Variants in SPATA16 observed in about 807,000 individuals in gnomAD.
The protein encoded by SPATA16 is spermatogenesis-associated protein 16.
In SPATA16, 36 loss-of-function variants were observed where a neutral mutation model predicts 63.3. That is an observed-to-expected ratio of 0.57 (90% CI 0.44 to 0.75). The LOEUF is 0.75. SPATA16 is among the 30% of genes least tolerant of loss of function. The pLI, the probability that SPATA16 is intolerant of heterozygous loss-of-function variation, is 0.00. For synonymous variants in SPATA16, 203 were observed against 216.7 expected (o/e 0.94, Z 0.56); for missense variants, 646 against 679.3 (o/e 0.95, Z 0.54).
At chr3:173,052,257 GTC>G (rs1277821585) in intron 2 of SPATA16, among the ~76,000 whole-genome samples, 4 of 152,202 alleles carry the variant, frequency 2.6e-5, no homozygotes, top group Non-Finnish European at 4.4e-5. Flanking sequence ...AAAGTGAAGA[GTC>G]TCTGCTTGTA....
At chr3:172,937,776 T>TA (rs1000022465) in intron 6 of SPATA16, among the ~76,000 whole-genome samples, 2 of 152,006 alleles carry the variant, frequency 1.3e-5, no homozygotes, top group African/African-American at 2.4e-5. Flanking sequence ...ATGACTAACT[T>TA]AAAAAAAAGT....
chr3:173,010,632 C>G (rs1220598282), intron 4 of SPATA16, among the ~76,000 whole-genome samples: 1 of 152,154 alleles, frequency 6.6e-6, no homozygotes, highest in Non-Finnish European at 1.5e-5. Context: ...TGCAGACAGA[C>G]AGCCAGACTG....
At chr3:172,985,648 A>C (rs1244040178) in intron 4 of SPATA16, among the ~76,000 whole-genome samples, 1 of 152,216 alleles carries the variant, frequency 6.6e-6, no homozygotes, top group Non-Finnish European at 1.5e-5. Context: ...TGGAATTTTC[A>C]GTGCTGAGAC....
chr3:172,932,368 C>G (rs1732891592), intron 6 of SPATA16, among the ~76,000 whole-genome samples: 1 of 152,088 alleles, frequency 6.6e-6, no homozygotes, highest in East Asian at 1.9e-4. Flanking sequence ...TGAACTTTGT[C>G]CATAACAAAA....
intron 8 of SPATA16, among the ~76,000 whole-genome samples, chr3:172,922,692 A>G (rs1405130132): frequency 6.6e-6 from 1 of 152,170 alleles, no homozygotes; most frequent in African/African-American, 2.4e-5. Flanking sequence ...AGGCCAAGGC[A>G]GGTGGATCAC....
intron 2 of SPATA16, among the ~76,000 whole-genome samples, chr3:173,051,853 T>C (rs1010664140): frequency 1.3e-5 from 2 of 151,472 alleles, no homozygotes; most frequent in South Asian, 2.1e-4. Context: ...TCTGTCTTGC[T>C]CAGGCTGGAG....
rs142880711 is a variant in SPATA16 at position 173,067,140 on chromosome 3, A to G, written c.613-18046T>C. On this transcript the variant is annotated intron_variant, in intron 2 of 10. Transcript: ENST00000351008. ...AGACGAGAAAAAGGAAAAAGAATAA[A>G]AATGAATGAAGCGGACCTACAAGAT... Among the ~76,000 whole-genome samples, 6 of 152,198 alleles carry G rather than the reference A, an allele frequency of 3.9e-5. No individual in the cohort carries two copies. The East Asian group carries it at 1.2e-3, about 29-fold the overall frequency.
Position 173,000,773 on chromosome 3 carries a change from C to T in SPATA16, c.848+18713G>A, listed in dbSNP as rs561265098. ...GGTTTGGAAGTTTTTATTGTCATAT[C>T]CTCAAGCTCAGAGATTCTTTCTTTG... On this transcript the variant is annotated intron_variant, in intron 4 of 10. Transcript: ENST00000351008. 1.7e-3 allele frequency among the ~76,000 whole-genome samples: 262 copies of T among 151,232 alleles called. 3 individuals are homozygous for T. The highest frequency in any genetic ancestry group is 4.2e-3 in the South Asian group (20 of 4,758).
chr3:173,034,010 G>C (rs376214238), intron 3 of SPATA16, among the ~76,000 whole-genome samples: 8 of 152,070 alleles, frequency 5.3e-5, no homozygotes, highest in Admixed American at 3.3e-4. Flanking sequence ...TGGCTGAGAT[G>C]TATTTTAGAA....
At chr3:173,025,407 A>G (rs938513829) in intron 3 of SPATA16, among the ~76,000 whole-genome samples, 1 of 151,882 alleles carries the variant, frequency 6.6e-6, no homozygotes, top group Non-Finnish European at 1.5e-5. Context: ...TTCATGTTCT[A>G]TAATACTTTT....
At chr3:173,088,060 TTCTTTCTTTCTTTCTTTCTG>T (rs1560118899) in intron 2 of SPATA16, among the ~76,000 whole-genome samples, 4 of 133,296 alleles carry the variant, frequency 3.0e-5, no homozygotes, top group African/African-American at 1.1e-4. Flanking sequence ...CTTTCTTTCT[TTCTTTCTTTCTTTCTTTCTG>T]TCTTTTCTTT....
chr3:173,118,179 T>C (rs1410791349), intron 1 of SPATA16, among the ~76,000 whole-genome samples: 2 of 152,232 alleles, frequency 1.3e-5, no homozygotes. Flanking sequence ...ATAATAGACT[T>C]GGGAGTCTAA....
intron 8 of SPATA16, among the ~76,000 whole-genome samples, chr3:172,919,226 A>C (rs1577089124): frequency 6.6e-6 from 1 of 152,340 alleles, no homozygotes; most frequent in East Asian, 1.9e-4. Context: ...AAGGTTTGAA[A>C]CTGACAGCAG....
chr3:172,938,808 G>A (rs79650900), intron 6 of SPATA16, among the ~76,000 whole-genome samples: 2,463 of 151,536 alleles, frequency 0.016, 68 homozygotes, highest in African/African-American at 0.056. Flanking sequence ...TCTCTGAGTT[G>A]TTTTTCAGAG....
chr3:173,065,927 G>A (rs1001518838), intron 2 of SPATA16, among the ~76,000 whole-genome samples: 3 of 152,160 alleles, frequency 2.0e-5, no homozygotes, highest in Admixed American at 6.5e-5. Context: ...TACAAGGACC[G>A]CCGTTCTAGG....
At chr3:172,994,013 A>C (rs888590068) in intron 4 of SPATA16, among the ~76,000 whole-genome samples, 28 of 152,164 alleles carry the variant, frequency 1.8e-4, no homozygotes, top group African/African-American at 6.0e-4. Flanking sequence ...TAAAAGCCAT[A>C]AACTTTTCAT....
chr3:173,057,076 G>A (rs1736251162), intron 2 of SPATA16, among the ~76,000 whole-genome samples: 3 of 149,838 alleles, frequency 2.0e-5, no homozygotes, highest in African/African-American at 7.3e-5. Context: ...CTGATTATTG[G>A]TACCATTTCA....
At chr3:173,133,992 G>GAA (rs71162331) in intron 1 of SPATA16, among the ~76,000 whole-genome samples, 3 of 151,398 alleles carry the variant, frequency 2.0e-5, no homozygotes, top group African/African-American at 7.3e-5. Context: ...ATTTTATATG[G>GAA]AAAAAAAAGG....
intron 6 of SPATA16, among the ~76,000 whole-genome samples, chr3:172,940,874 T>G (rs1371138995): frequency 6.6e-6 from 1 of 151,954 alleles, no homozygotes; most frequent in Non-Finnish European, 1.5e-5. Flanking sequence ...TCACAGCTAC[T>G]CGGGAGGCTG....
Sources: gnomAD v4.1 joint callset for allele counts (sites outside exome capture counted in the v4.1 genomes callset) on GRCh38, gnomAD v4.1.1 for gene constraint, MANE v1.5 for transcripts, NCBI Gene and HGNC (gene_info 2026-07-23, HGNC 2026-07-21) for gene names.